FMN1: variants seen among roughly 807,000 people sequenced by gnomAD.
The protein encoded by FMN1 is formin 1, also known as formin-1.
In FMN1, 110 loss-of-function variants were observed where a neutral mutation model predicts 132.4. That is an observed-to-expected ratio of 0.83 (90% CI 0.71 to 0.97). FMN1 has a LOEUF of 0.97. Ranked by LOEUF, FMN1 falls within the 50% of genes least tolerant of loss-of-function variation. The probability of loss-of-function intolerance (pLI) is 0.00; values close to 1 mark genes in which losing one functional copy is unlikely to be tolerated. For synonymous variants in FMN1, 722 were observed against 651.7 expected, an observed-to-expected ratio of 1.11 and a Z score of -1.64; for missense variants, 1,792 against 1,705.3, an observed-to-expected ratio of 1.05 and a Z score of -0.90.
chr15:33,176,280 G>A lies in FMN1; in HGVS notation c.-132+3918C>T, dbSNP rs146765990. 9.7e-4 allele frequency among the ~76,000 whole-genome samples: 148 copies of A among 152,228 alleles called. 1 individual carries two copies. In the East Asian group the frequency reaches 0.027, roughly 27 times the overall value. On this transcript the variant is annotated intron_variant, in intron 3 of 20. Coordinates refer to ENST00000616417, the MANE Select transcript of FMN1 (RefSeq NM_001277313.2). ...TCCAGCACTTTGGGAGGCCAAGGCA[G>A]GCAGATCACAAGGTCAGGAGTTCGA...
intron 4 of FMN1, among the ~76,000 whole-genome samples, chr15:33,107,376 A>C (rs1242603398): frequency 6.6e-6 from 1 of 152,108 alleles, no homozygotes; most frequent in Non-Finnish European, 1.5e-5. Context: ...ATGTCACACC[A>C]TTCCTCAGAT....
chr15:32,972,465 A>G (rs1334553424), intron 7 of FMN1, among the ~76,000 whole-genome samples: 3 of 152,184 alleles, frequency 2.0e-5, no homozygotes, highest in African/African-American at 7.2e-5. Context: ...CATCCTATTG[A>G]AACTCCATGA....
At chr15:33,003,670 C>T (rs1229355856) in intron 7 of FMN1, among the ~76,000 whole-genome samples, 2 of 152,174 alleles carry the variant, frequency 1.3e-5, no homozygotes, top group Non-Finnish European at 2.9e-5. Context: ...CAATGACTTT[C>T]TTCACAGAAT....
chr15:33,121,641 G>T (rs1318569091), intron 4 of FMN1, among the ~76,000 whole-genome samples: 2 of 152,118 alleles, frequency 1.3e-5, no homozygotes, highest in Non-Finnish European at 2.9e-5. Context: ...TGATTCTCGT[G>T]CCTCAGCCTC....
intron 16 of FMN1, among the ~76,000 whole-genome samples, chr15:32,871,102 G>A (rs568730012): frequency 3.3e-5 from 5 of 152,254 alleles, no homozygotes; most frequent in East Asian, 3.9e-4. Flanking sequence ...TGGAGGTACC[G>A]GGCCTCTGAA....
chr15:33,010,056 G>C (rs747152164), intron 6 of FMN1, among the ~76,000 whole-genome samples: 8 of 152,092 alleles, frequency 5.3e-5, no homozygotes, highest in Non-Finnish European at 1.0e-4. Flanking sequence ...GCTAATTTTT[G>C]TATTTTTAGT....
At chr15:33,128,468 C>A (rs1475994977) in intron 4 of FMN1, among the ~76,000 whole-genome samples, 2 of 152,174 alleles carry the variant, frequency 1.3e-5, no homozygotes, top group African/African-American at 4.8e-5. Flanking sequence ...ATTGCAAGGT[C>A]CATTTATAAA....
chr15:32,884,603 T>C (rs1204479322), intron 16 of FMN1, among the ~76,000 whole-genome samples: 2 of 152,190 alleles, frequency 1.3e-5, no homozygotes, highest in Non-Finnish European at 2.9e-5. Context: ...GGGGGCATTA[T>C]TCTGCCTACC....
chr15:32,992,757 GAAT>G (rs2033515560), intron 7 of FMN1, among the ~76,000 whole-genome samples: 1 of 152,008 alleles, frequency 6.6e-6, no homozygotes, highest in Non-Finnish European at 1.5e-5. Flanking sequence ...GTCTATGAGG[GAAT>G]AAGAAGACAA....
chr15:33,098,940 CCA>C (rs571300836), intron 4 of FMN1, among the ~76,000 whole-genome samples: 315 of 152,186 alleles, frequency 2.1e-3, no homozygotes, highest in African/African-American at 7.3e-3. Flanking sequence ...CCTTCAATCT[CCA>C]CACAATCTCT....
chr15:33,098,886 C>T (rs2039185620), intron 4 of FMN1, among the ~76,000 whole-genome samples: 1 of 152,174 alleles, frequency 6.6e-6, no homozygotes. Context: ...TCTACTGTTG[C>T]TAGTTCCTCG....
intron 4 of FMN1, among the ~76,000 whole-genome samples, chr15:33,144,127 C>T (rs1458104341): frequency 6.6e-6 from 1 of 152,172 alleles, no homozygotes; most frequent in African/African-American, 2.4e-5. Flanking sequence ...TTTGCTCTTT[C>T]ATCCTTTAAG....
In FMN1 at chr15:33,067,379, G is replaced by C. The variant is rs200442815; in HGVS notation, c.2044-2305C>G. 2.7e-5 allele frequency: 44 copies of C among 1,613,968 alleles called. No homozygotes were observed. The highest frequency in any genetic ancestry group is 6.7e-5 in the Admixed American group (4 of 60,014). On this transcript the variant is annotated intron_variant, in intron 5 of 20. Coordinates refer to ENST00000616417, the MANE Select transcript of FMN1 (RefSeq NM_001277313.2). ...AGATGGCTCAGATAAAACACCACTA[G>C]GGGACTTTGGGCCATTGGTGCTGCT...
At chr15:32,942,411 A>G (rs1385898611) in intron 9 of FMN1, among the ~76,000 whole-genome samples, 2 of 152,230 alleles carry the variant, frequency 1.3e-5, no homozygotes, top group African/African-American at 4.8e-5. Flanking sequence ...TTTTACATCT[A>G]CAGAAAATCT....
At chr15:33,056,428 T>G (rs528715702) in intron 6 of FMN1, among the ~76,000 whole-genome samples, 1 of 152,232 alleles carries the variant, frequency 6.6e-6, no homozygotes, top group East Asian at 1.9e-4. Context: ...GAAAATGACA[T>G]ACAGAAAACC....
chr15:32,910,468 A>G lies in FMN1; in HGVS notation c.3288+6T>C, dbSNP rs1389980861. 1.9e-6 allele frequency: 3 copies of G among 1,569,336 alleles called. No homozygotes were observed. Among genetic ancestry groups the G allele is most frequent in the South Asian group, 1.2e-5 (1 of 85,210 alleles). On this transcript the variant is annotated splice_donor_region_variant and intron_variant, in intron 11 of 20. Transcript: ENST00000616417. Reference sequence around the variant, plus strand: ...AATACTAGCTCTGTAAGTCTTTGACACTCACGTTTTCATATAAGGCTGCCA... The same window carrying G: ...AATACTAGCTCTGTAAGTCTTTGACGCTCACGTTTTCATATAAGGCTGCCA...
At chr15:33,034,483 A>C (rs2036097392) in intron 6 of FMN1, among the ~76,000 whole-genome samples, 1 of 152,194 alleles carries the variant, frequency 6.6e-6, no homozygotes, top group Non-Finnish European at 1.5e-5. Context: ...AAGCTGAGGC[A>C]GAAGGACTGC....
intron 19 of FMN1, among the ~76,000 whole-genome samples, chr15:32,780,229 G>A (rs1419301904): frequency 1.3e-5 from 2 of 152,170 alleles, no homozygotes; most frequent in African/African-American, 4.8e-5. Context: ...ATTTCCAGAT[G>A]ACTAAGGCAT....
At chr15:33,087,022 G>A (rs2038722023) in intron 5 of FMN1, among the ~76,000 whole-genome samples, 1 of 152,220 alleles carries the variant, frequency 6.6e-6, no homozygotes, top group Admixed American at 6.5e-5. Context: ...ACACAAGGTT[G>A]TCAACAGGCA....
Sources: gnomAD v4.1 joint callset for allele counts (sites outside exome capture counted in the v4.1 genomes callset) on GRCh38, gnomAD v4.1.1 for gene constraint, MANE v1.5 for transcripts, NCBI Gene and HGNC (gene_info 2026-07-23, HGNC 2026-07-21) for gene names.